Variants in MITF observed in about 807,000 individuals in gnomAD.
MITF encodes microphthalmia-associated transcription factor.
In MITF, 17 loss-of-function variants were observed where a neutral mutation model predicts 60.5. The ratio of observed to expected loss-of-function variants is 0.28; its 90% CI spans 0.19 to 0.42. MITF has a LOEUF of 0.42. Among genes scored for constraint, MITF ranks in the 10% least tolerant of loss-of-function variants. MITF has a pLI of 1.00. For synonymous variants in MITF, 260 were observed against 248.5 expected (o/e 1.05, Z -0.43); for missense variants, 622 against 683.5 (o/e 0.91, Z 1.00).
At chr3:69,783,212 C>T (rs1559627010) in intron 1 of MITF, among the ~76,000 whole-genome samples, 1 of 152,036 alleles carries the variant, frequency 6.6e-6, no homozygotes, top group Non-Finnish European at 1.5e-5. Context: ...AAGTAGAGAC[C>T]TAGGTATCCT....
Position 69,739,470 on chromosome 3 carries a change from C to G in MITF, c.-128C>G, listed in dbSNP as rs963216169. ...CGCGCTGGGGCGGGCGGCCGCGAGC[C>G]GGCGAGCGGGCAGAGCTCGGCACTG... On this transcript the variant is annotated 5_prime_UTR_variant, in exon 1 of 10. Coordinates refer to ENST00000352241, the MANE Select transcript of MITF (RefSeq NM_001354604.2). The G allele has an allele frequency of 2.5e-5, 19 of 757,216 alleles. No homozygotes were observed. The South Asian group carries it at 3.3e-4, about 13-fold the overall frequency. The allele number at this position is 757,216 out of a possible 1,614,324, so 46.9% of individuals were successfully genotyped here.
At chr3:69,928,390 G>T (rs1256411288) in intron 2 of MITF, among the ~76,000 whole-genome samples, 1 of 152,106 alleles carries the variant, frequency 6.6e-6, no homozygotes, top group Non-Finnish European at 1.5e-5. Context: ...CATTCTATCA[G>T]ATTTGGAACC....
rs190469529 is a variant in MITF at position 69,855,051 on chromosome 3, G to C, written c.105-24083G>C. 5.9e-5 allele frequency among the ~76,000 whole-genome samples: 9 copies of C among 151,994 alleles called. No individual in the cohort carries two copies. In the East Asian group the frequency reaches 1.6e-3, roughly 26 times the overall value. ...TGGTAGTTGACTTTTACTGGTCCTG[G>C]AGACCAGCCCCCTCATGTTGTAAGC... On this transcript the variant is annotated intron_variant, in intron 1 of 9. Transcript: ENST00000352241.
chr3:69,780,257 C>T lies in MITF; in HGVS notation c.104+40556C>T, dbSNP rs532567603. Among the ~76,000 whole-genome samples, 47 of 152,252 alleles carry T rather than the reference C, an allele frequency of 3.1e-4. No homozygotes were observed. The South Asian group carries it at 7.1e-3, about 23-fold the overall frequency. ...ACTACTATTCTACCACTGGTTGTTA[C>T]CATTTGTGACTATAGGTCCGGTGTG... On this transcript the variant is annotated intron_variant, in intron 1 of 9. Transcript: ENST00000352241.
chr3:69,920,564 C>G (rs1332593060), intron 2 of MITF, among the ~76,000 whole-genome samples: 1 of 152,114 alleles, frequency 6.6e-6, no homozygotes, highest in Admixed American at 6.5e-5. Context: ...CGTAAGCTGT[C>G]TTTCTCTCTG....
intron 1 of MITF, among the ~76,000 whole-genome samples, chr3:69,859,805 T>C (rs960865424): frequency 5.9e-5 from 9 of 152,148 alleles, no homozygotes; most frequent in Non-Finnish European, 1.2e-4. Context: ...CAGTAAAATA[T>C]ATGTCCACAT....
intron 1 of MITF, among the ~76,000 whole-genome samples, chr3:69,758,117 G>GTTATATGCACA (rs142749311): frequency 2.5e-4 from 30 of 120,140 alleles, no homozygotes; most frequent in African/African-American, 8.8e-4. Flanking sequence ...TATATCATAT[G>GTTATATGCACA]CACACACACA....
intron 1 of MITF, among the ~76,000 whole-genome samples, chr3:69,830,888 A>G (rs1188968299): frequency 6.6e-6 from 1 of 152,100 alleles, no homozygotes; most frequent in Non-Finnish European, 1.5e-5. Flanking sequence ...TTTTCTTTTC[A>G]GATTACAAAT....
At chr3:69,914,793 T>G (rs2065299080) in intron 2 of MITF, among the ~76,000 whole-genome samples, 1 of 152,220 alleles carries the variant, frequency 6.6e-6, no homozygotes, top group South Asian at 2.1e-4. Context: ...CTTCTTCCTT[T>G]GCAACCCATG....
At chr3:69,848,730 G>A (rs960391988) in intron 1 of MITF, among the ~76,000 whole-genome samples, 1 of 151,980 alleles carries the variant, frequency 6.6e-6, no homozygotes, top group Non-Finnish European at 1.5e-5. Context: ...CATCTGCTTC[G>A]CTCGTGATCT....
chr3:69,902,385 T>C (rs1430601), intron 2 of MITF, among the ~76,000 whole-genome samples: 47,310 of 151,960 alleles, frequency 0.31, 8,718 homozygotes, highest in African/African-American at 0.52. Context: ...TGGCTTACTG[T>C]TGGGTCCCCA....
At chr3:69,796,162 G>A (rs1207593114) in intron 1 of MITF, among the ~76,000 whole-genome samples, 1 of 152,100 alleles carries the variant, frequency 6.6e-6, no homozygotes, top group African/African-American at 2.4e-5. Flanking sequence ...TGTATTTTTA[G>A]TAAAGACAGG....
chr3:69,922,508 C>T (rs934023852), intron 2 of MITF, among the ~76,000 whole-genome samples: 2 of 152,152 alleles, frequency 1.3e-5, no homozygotes, highest in African/African-American at 4.8e-5. Flanking sequence ...GAGTGAGCCA[C>T]CACACCCGGC....
At chr3:69,834,276 G>C (rs1446840970) in intron 1 of MITF, among the ~76,000 whole-genome samples, 1 of 152,070 alleles carries the variant, frequency 6.6e-6, no homozygotes, top group African/African-American at 2.4e-5. Flanking sequence ...CTATCTAATT[G>C]TAACTTTGTA....
rs887589115 is a variant in MITF at position 69,966,924 on chromosome 3, G to A, written c.*1676G>A. 6 of 232,624 alleles carry A rather than the reference G, an allele frequency of 2.6e-5. No homozygotes were observed. Among genetic ancestry groups the A allele is most frequent in the Middle Eastern group, 1.3e-3 (1 of 782 alleles). 14.4% of individuals were successfully genotyped at this position (232,624 alleles called of 1,614,324 possible). On this transcript the variant is annotated 3_prime_UTR_variant, in exon 10 of 10. Transcript: ENST00000352241. ...TCATGATGGTATCTATAGTCAAGAC[G>A]AACATGTAGCATGGTGCCTATGTAG...
chr3:69,915,452 A>T (rs1389196479), intron 2 of MITF, among the ~76,000 whole-genome samples: 1 of 151,864 alleles, frequency 6.6e-6, no homozygotes, highest in African/African-American at 2.4e-5. Context: ...CATGAAAATT[A>T]ATGAATGATA....
intron 2 of MITF, among the ~76,000 whole-genome samples, chr3:69,901,393 G>A (rs1447333430): frequency 2.0e-5 from 3 of 152,010 alleles, no homozygotes; most frequent in African/African-American, 7.3e-5. Flanking sequence ...ATTTTGCCAA[G>A]ATTTAGATAA....
chr3:69,962,853 C>A (rs561077126), intron 9 of MITF, among the ~76,000 whole-genome samples: 1 of 152,234 alleles, frequency 6.6e-6, no homozygotes, highest in East Asian at 1.9e-4. Flanking sequence ...AGTGAAATGC[C>A]ACTGACTGGG....
intron 2 of MITF, among the ~76,000 whole-genome samples, chr3:69,892,196 C>A (rs1483455583): frequency 6.6e-6 from 1 of 152,002 alleles, no homozygotes; most frequent in Non-Finnish European, 1.5e-5. Context: ...TCAACAAAAA[C>A]CAAAGCACAA....
Sources: gnomAD v4.1 joint callset for allele counts (sites outside exome capture counted in the v4.1 genomes callset) on GRCh38, gnomAD v4.1.1 for gene constraint, MANE v1.5 for transcripts, NCBI Gene and HGNC (gene_info 2026-07-23, HGNC 2026-07-21) for gene names.